P2RX1: variants seen among roughly 807,000 people sequenced by gnomAD.
P2RX1 encodes purinergic receptor P2X 1, also known as P2X purinoceptor 1.
P2RX1 carries 42 observed loss-of-function variants against 50.3 expected under a neutral mutation model. The observed-to-expected ratio is 0.83, with a 90% CI of 0.65 to 1.08. The LOEUF (loss-of-function observed/expected upper bound fraction) is 1.08. P2RX1 is among the 50% of genes least tolerant of loss of function. The pLI is 0.00. For missense variants in P2RX1, 449 were observed against 529.0 expected, an observed-to-expected ratio of 0.85 and a Z score of 1.48; for synonymous variants, 199 against 202.6, an observed-to-expected ratio of 0.98 and a Z score of 0.15.
Position 3,916,265 on chromosome 17 carries a change from G to A in P2RX1, c.-40C>T. ...GGCTCAGAACTGAGCCCCCTGCACGGCCTCTGCTCTCAGGGTGAGCCGGGT... is the reference window on the plus strand; with the variant it reads ...GGCTCAGAACTGAGCCCCCTGCACGACCTCTGCTCTCAGGGTGAGCCGGGT... On this transcript the variant is annotated 5_prime_UTR_variant, in exon 1 of 12. Transcript: ENST00000225538. 6.2e-7 allele frequency: 1 copy of A among 1,603,942 alleles called. No homozygotes were observed. The highest frequency in any genetic ancestry group is 1.8e-4 in the Middle Eastern group (1 of 5,594).
chr17:3,897,372 G>A lies in P2RX1; in HGVS notation c.*442C>T, dbSNP rs1597506268. The A allele has an allele frequency of 3.7e-6, 1 of 269,254 alleles. No homozygotes were observed. Among genetic ancestry groups the A allele is most frequent in the East Asian group, 8.5e-5 (1 of 11,738 alleles). 16.7% of individuals were successfully genotyped at this position (269,254 alleles called of 1,614,324 possible). A position where few individuals can be genotyped will look rare whatever the true frequency, so the allele number is the denominator to read the frequency against. On this transcript the variant is annotated 3_prime_UTR_variant, in exon 12 of 12. Transcript: ENST00000225538. ...GTATCTACTGAGCAGTTGAAATGTG[G>A]CTAGTTCAGCCGAGGAATTGAATTT...
rs368291814 is a variant in P2RX1 at position 3,903,342 on chromosome 17, G to T, written c.607C>A (p.Arg203Ser). 8 of 1,613,954 alleles carry T rather than the reference G, an allele frequency of 5.0e-6. No individual in the cohort carries two copies. Among genetic ancestry groups the T allele is most frequent in the Non-Finnish European group, 5.1e-6 (6 of 1,180,020 alleles). ...ISFPRFKVNR[R>S]NLVEEVNAAH... ...GCATTCACCTCCTCCACCAGGTTGC[G>T]CCTGTGGGGGTGGAAGGTGTTGACA... The change falls in exon 7 of 12, where the codon CGC becomes AGC. Residue 203 changes from arginine to serine, a missense_variant and splice_region_variant. Coordinates refer to ENST00000225538, the MANE Select transcript of P2RX1 (RefSeq NM_002558.4). The surrounding 1 kb of genome is among the most constrained non-coding windows in gnomAD (Gnocchi z 4.6).
chr17:3,901,476 C>G (rs2056145404), intron 7 of P2RX1, among the ~76,000 whole-genome samples: 1 of 152,208 alleles, frequency 6.6e-6, no homozygotes, highest in East Asian at 1.9e-4. Flanking sequence ...TGGGCCTGAT[C>G]ATGGCCAGGT....
chr17:3,898,259 C>T lies in P2RX1; in HGVS notation c.1033-149G>A, dbSNP rs2056070534. On this transcript the variant is annotated intron_variant, in intron 10 of 11. Transcript: ENST00000225538. ...TTCCTGGAGGGTGGATGAGGCCCTG[C>T]AGGACTCTCAGGGGACCAAGATGGT... 3 of 781,168 alleles carry T rather than the reference C, an allele frequency of 3.8e-6. No homozygotes were observed. In the African/African-American group the frequency reaches 5.1e-5, roughly 13 times the overall value. The allele number at this position is 781,168 out of a possible 1,614,324, so 48.4% of individuals were successfully genotyped here.
chr17:3,897,698 G>A lies in P2RX1; in HGVS notation c.*116C>T, dbSNP rs1264087906. 3.3e-6 allele frequency: 3 copies of A among 910,272 alleles called. No homozygotes were observed. The highest frequency in any genetic ancestry group is 3.2e-4 in the Middle Eastern group (1 of 3,132). The allele number at this position is 910,272 out of a possible 1,614,324, so 56.4% of individuals were successfully genotyped here. On this transcript the variant is annotated 3_prime_UTR_variant, in exon 12 of 12. Transcript: ENST00000225538. ...CTGAGCTTCTGGCAAACTGCTCTCT[G>A]CCTGGCTGAGAGGGTAGGAGACTTC...
chr17:3,905,186 T>C (rs1438282056), intron 2 of P2RX1, 34 bp downstream of exon 2: 1 of 1,608,056 alleles, frequency 6.2e-7, no homozygotes, highest in Non-Finnish European at 8.5e-7. Flanking sequence ...AGACAGGCCC[T>C]GTGAGGGGAA....
chr17:3,904,560 A>C (rs886492531), intron 3 of P2RX1, 161 bp from the exon 4 acceptor site: 4 of 707,356 alleles, frequency 5.7e-6, no homozygotes, highest in African/African-American at 1.8e-5. Flanking sequence ...TTCCCCCCAC[A>C]CTGCTCTGCC....
At chr17:3,909,309 C>T (rs572053499) in intron 1 of P2RX1, among the ~76,000 whole-genome samples, 5 of 152,150 alleles carry the variant, frequency 3.3e-5, no homozygotes, top group Non-Finnish European at 7.4e-5. Flanking sequence ...GGATTACAGG[C>T]GGGAGCCACC....
chr17:3,906,277 A>G (rs1180810115), intron 1 of P2RX1, among the ~76,000 whole-genome samples: 1 of 152,152 alleles, frequency 6.6e-6, no homozygotes, highest in East Asian at 1.9e-4. Context: ...GATTACAGGC[A>G]TGCACCACCA....
intron 1 of P2RX1, among the ~76,000 whole-genome samples, chr17:3,911,483 C>T (rs1323090929): frequency 6.6e-6 from 1 of 152,212 alleles, no homozygotes; most frequent in African/African-American, 2.4e-5. Flanking sequence ...TGAGGCCTGC[C>T]GGGGTGACGA....
intron 7 of P2RX1, among the ~76,000 whole-genome samples, chr17:3,901,024 A>T (rs1478092133): frequency 6.6e-6 from 1 of 152,132 alleles, no homozygotes; most frequent in Non-Finnish European, 1.5e-5. Context: ...ACTTGCCAGG[A>T]GCCTAGTTAC....
rs75887164 is a variant in P2RX1 at position 3,898,033 on chromosome 17, G to A, written c.1110C>T (p.Tyr370=). ...RHYYKQKKFK[Y]AEDMGPGAAE... ...CCGCCCCTGGCCCCATGTCCTCAGC[G>A]TATTTGAACTTCTTCTGCTTGTAGT... Residue 370 remains tyrosine (Y), a synonymous_variant, in exon 11 of 12, where the codon TAC becomes TAT. Coordinates refer to ENST00000225538, the MANE Select transcript of P2RX1 (RefSeq NM_002558.4). 1,075 of 1,613,580 alleles carry A rather than the reference G, an allele frequency of 6.7e-4. 12 individuals are homozygous for A. In the African/African-American group the frequency reaches 0.013, roughly 19 times the overall value.
At chr17:3,898,366 C>T (rs1391455255) in intron 10 of P2RX1, 118 bp downstream of exon 10, 15 of 876,206 alleles carry the variant, frequency 1.7e-5, no homozygotes, top group Non-Finnish European at 2.8e-5. Flanking sequence ...CAGCTGCTGG[C>T]TCAAAAATGA....
intron 1 of P2RX1, among the ~76,000 whole-genome samples, chr17:3,912,216 T>C (rs2056377456): frequency 3.3e-5 from 5 of 152,230 alleles, no homozygotes; most frequent in African/African-American, 1.2e-4. Flanking sequence ...ACTCCTCCTG[T>C]GTCTTCATCC....
At position 3,899,632 on chromosome 17, in the gene P2RX1, AC is replaced by A; in HGVS notation, c.875+1del. 6.2e-7 allele frequency: 1 copy of A among 1,613,040 alleles called. No individual in the cohort carries two copies. Among genetic ancestry groups the A allele is most frequent in the Admixed American group, 1.7e-5 (1 of 59,984 alleles). The stretch of plus-strand genomic sequence containing the variant: ...ATGTGCTGCTGGGGGCCTGGCAGAC[AC>A]CTGAAGTTGAAGCCTGGGGAGAGAT... On this transcript the variant is annotated splice_donor_variant, in intron 8 of 11. Coordinates refer to ENST00000225538, the MANE Select transcript of P2RX1 (RefSeq NM_002558.4). LOFTEE classifies it high-confidence loss of function.
chr17:3,898,743 A>G (rs933829917), intron 9 of P2RX1, among the ~76,000 whole-genome samples, 191 bp downstream of exon 9: 3 of 152,078 alleles, frequency 2.0e-5, no homozygotes, highest in African/African-American at 7.2e-5. Flanking sequence ...GCGCAAGGAG[A>G]CTGTGGGGAG....
chr17:3,903,230 C>T lies in P2RX1; in HGVS notation c.719G>A (p.Gly240Asp), dbSNP rs2056185266. 2 of 1,614,174 alleles carry T rather than the reference C, an allele frequency of 1.2e-6. No individual in the cohort carries two copies. Among genetic ancestry groups the T allele is most frequent in the Non-Finnish European group, 1.7e-6 (2 of 1,180,044 alleles). Residue 240 changes from glycine (G) to aspartate (D), a missense_variant, in exon 7 of 12, where the codon GGC (glycine) becomes GAC (aspartate). Gly to Asp is a moderately conservative substitution (Grantham distance 94). Transcript: ENST00000225538. The surrounding 1 kb of genome is among the most constrained non-coding windows in gnomAD (Gnocchi z 4.6). ...CTCAGCCAGGGTGCTGAAGTTCTGG[C>T]CTGACTCTTGCACCACGTAGCCAAG... ...FQLGYVVQES[G>D]QNFSTLAEKG...
Position 3,903,155 on chromosome 17 carries a change from A to T in P2RX1, c.747+47T>A. The T allele has an allele frequency of 1.2e-6, 2 of 1,612,796 alleles. No homozygotes were observed. The highest frequency in any genetic ancestry group is 1.7e-6 in the Non-Finnish European group (2 of 1,179,740). On this transcript the variant is annotated intron_variant, in intron 7 of 11. Transcript: ENST00000225538. This position sits in a 1 kb window ranked among gnomAD's most constrained non-coding sequence, Gnocchi z 4.6. ...CTGGGCCTAAAAAGCCTTTATCAGG[A>T]TCCTGCGGCCCAGCCCTCCCCACGT...
In P2RX1 at chr17:3,897,877, AGCCTGTGTACGTGGT is replaced by A. The variant is rs1567647109; in HGVS notation, c.1135-13_1136del. 6.2e-7 allele frequency: 1 copy of A among 1,613,994 alleles called. No homozygotes were observed. Among genetic ancestry groups the A allele is most frequent in the Non-Finnish European group, 8.5e-7 (1 of 1,180,018 alleles). On this transcript the variant is annotated splice_acceptor_variant and splice_polypyrimidine_tract_variant and coding_sequence_variant and intron_variant, in exon 12 of 12. Transcript: ENST00000225538. LOFTEE classifies it high-confidence loss of function. ...AGCTGGTAGCTGCGAGGTCACGCTCAGCCTGTGTACGTGGTGCAAGGGTTGGGGGATACAAGTCAG... is the reference window on the plus strand; with the variant it reads ...AGCTGGTAGCTGCGAGGTCACGCTCAGCAAGGGTTGGGGGATACAAGTCAG...
Sources: gnomAD v4.1 joint callset for allele counts (sites outside exome capture counted in the v4.1 genomes callset) on GRCh38, gnomAD v4.1.1 for gene constraint, Gnocchi (gnomAD v3.1) non-coding constraint, MANE v1.5 for transcripts, NCBI Gene and HGNC (gene_info 2026-07-23, HGNC 2026-07-21) for gene names.